PXYLP1: variants seen among roughly 807,000 people sequenced by gnomAD.
PXYLP1 encodes the protein acid phosphatase-like 2.
A neutral mutation model predicts 37.9 loss-of-function variants in PXYLP1; 17 were observed. The ratio of observed to expected loss-of-function variants is 0.45; its 90% CI spans 0.31 to 0.67. The LOEUF (loss-of-function observed/expected upper bound fraction) is 0.67. Among genes scored for constraint, PXYLP1 ranks in the 30% least tolerant of loss-of-function variants. The pLI is 0.07. For missense variants in PXYLP1, 511 were observed against 612.0 expected (o/e 0.84, Z 1.74); for synonymous variants, 221 against 232.2 (o/e 0.95, Z 0.44).
chr3:141,242,871 A>C (rs1051400461), intron 1 of PXYLP1, among the ~76,000 whole-genome samples: 2 of 152,252 alleles, frequency 1.3e-5, no homozygotes, highest in Non-Finnish European at 2.9e-5. Flanking sequence ...CCATGAGGGC[A>C]GGAATTTGGG....
intron 4 of PXYLP1, among the ~76,000 whole-genome samples, chr3:141,280,599 A>G (rs1344486728): frequency 6.6e-6 from 1 of 152,256 alleles, no homozygotes; most frequent in Non-Finnish European, 1.5e-5. Context: ...CTTTAAAAAC[A>G]GTAATAGTTG....
intron 1 of PXYLP1, among the ~76,000 whole-genome samples, chr3:141,243,853 A>G (rs1363534244): frequency 1.3e-5 from 2 of 152,260 alleles, no homozygotes; most frequent in Non-Finnish European, 2.9e-5. Context: ...ACTGGTCTCT[A>G]TAATTTATCA....
intron 5 of PXYLP1, among the ~76,000 whole-genome samples, chr3:141,289,045 T>C (rs1942140678): frequency 6.6e-6 from 1 of 152,204 alleles, no homozygotes; most frequent in Non-Finnish European, 1.5e-5. Flanking sequence ...ACAGCTACAC[T>C]AGAAAATAGA....
At chr3:141,234,548 C>T (rs552445580) in intron 1 of PXYLP1, among the ~76,000 whole-genome samples, 1 of 152,300 alleles carries the variant, frequency 6.6e-6, no homozygotes, top group East Asian at 1.9e-4. Flanking sequence ...CTTCCTGTGG[C>T]GAGCTGGGAG....
chr3:141,242,569 G>A (rs1940835110), intron 1 of PXYLP1, among the ~76,000 whole-genome samples: 1 of 152,202 alleles, frequency 6.6e-6, no homozygotes, highest in Non-Finnish European at 1.5e-5. Flanking sequence ...AGGTGGACTG[G>A]AGACAGTGCT....
rs188060628 is a variant in PXYLP1 at position 141,252,459 on chromosome 3, G to A, written c.-53-7664G>A. Reference sequence around the variant, plus strand: ...GGTGGAAGGCAAAGGGGGAGCCAGCGTATCACACGGTGAGAGCGGGAGCAA... The same window carrying A: ...GGTGGAAGGCAAAGGGGGAGCCAGCATATCACACGGTGAGAGCGGGAGCAA... On this transcript the variant is annotated intron_variant, in intron 1 of 5. Coordinates refer to ENST00000286353, the MANE Select transcript of PXYLP1 (RefSeq NM_001037172.3). Among the ~76,000 whole-genome samples the A allele has an allele frequency of 1.2e-3, 183 of 152,234 alleles. 1 individual carries two copies. Among genetic ancestry groups the A allele is most frequent in the South Asian group, 2.1e-3 (10 of 4,824 alleles).
chr3:141,246,133 G>T (rs896838204), intron 1 of PXYLP1, among the ~76,000 whole-genome samples: 2 of 152,188 alleles, frequency 1.3e-5, no homozygotes, highest in South Asian at 4.1e-4. Context: ...TTGGTGGGGG[G>T]TAGGCTAGCA....
chr3:141,281,780 C>T (rs1163352664), intron 4 of PXYLP1, among the ~76,000 whole-genome samples: 2 of 152,116 alleles, frequency 1.3e-5, no homozygotes, highest in Non-Finnish European at 2.9e-5. Context: ...CCAACCCATG[C>T]AGTGTGAGGT....
At chr3:141,249,540 G>A (rs1008712856) in intron 1 of PXYLP1, among the ~76,000 whole-genome samples, 1 of 123,082 alleles carries the variant, frequency 8.1e-6, no homozygotes, top group African/African-American at 3.2e-5. Flanking sequence ...TATGCCACTT[G>A]TACTTCCAGT....
intron 2 of PXYLP1, among the ~76,000 whole-genome samples, chr3:141,266,124 A>G (rs528001356): frequency 3.9e-4 from 59 of 152,374 alleles, no homozygotes; most frequent in African/African-American, 1.3e-3. Context: ...CCGGAGGACC[A>G]GGGCTCCTTG....
At chr3:141,288,583 A>T (rs1942128783) in intron 5 of PXYLP1, among the ~76,000 whole-genome samples, 1 of 152,160 alleles carries the variant, frequency 6.6e-6, no homozygotes, top group South Asian at 2.1e-4. Flanking sequence ...CTCAACTATC[A>T]TGAAGTGAAA....
chr3:141,262,318 C>A lies in PXYLP1; in HGVS notation c.79+2064C>A, dbSNP rs74672878. The A allele has an allele frequency of 1.9e-3, 1,961 of 1,007,256 alleles. 33 individuals carry two copies. In the African/African-American group the frequency reaches 0.031, roughly 16 times the overall value. The allele number at this position is 1,007,256 out of a possible 1,614,324, so 62.4% of individuals were successfully genotyped here. On this transcript the variant is annotated intron_variant, in intron 2 of 5. Coordinates refer to ENST00000286353, the MANE Select transcript of PXYLP1 (RefSeq NM_001037172.3). ...CCAGATGGCAAATGAATTGTAAAAT[C>A]TGAATCCTTTCCAAAAAGTGTGGTA...
At chr3:141,273,219 C>G (rs1412830426) in intron 2 of PXYLP1, 3 of 985,224 alleles carry the variant, frequency 3.0e-6, no homozygotes, top group Non-Finnish European at 3.6e-6. Flanking sequence ...TCTGAAGAAT[C>G]CCCAGCATGT....
At chr3:141,236,507 C>T (rs1940661327) in intron 1 of PXYLP1, 1 of 152,170 alleles carries the variant, frequency 6.6e-6, no homozygotes, top group Admixed American at 6.5e-5. Flanking sequence ...ATTTGTCCCA[C>T]CCCTCAGTTA....
intron 2 of PXYLP1, chr3:141,262,123 G>A (rs1048033193): frequency 2.2e-5 from 6 of 278,164 alleles, no homozygotes; most frequent in African/African-American, 9.2e-5. Flanking sequence ...TTTCAAGAGA[G>A]GAGACTTTGA....
chr3:141,236,402 G>A (rs1940658478), intron 1 of PXYLP1: 1 of 152,060 alleles, frequency 6.6e-6, no homozygotes, highest in African/African-American at 2.4e-5. Flanking sequence ...ATTGCACCTG[G>A]TTTTGATGCC....
chr3:141,262,427 C>T lies in PXYLP1; in HGVS notation c.79+2173C>T, dbSNP rs1046610137. 1.2e-5 allele frequency: 10 copies of T among 820,514 alleles called. No homozygotes were observed. In the African/African-American group the frequency reaches 1.8e-4, roughly 15 times the overall value. The allele number at this position is 820,514 out of a possible 1,614,324, so 50.8% of individuals were successfully genotyped here. The stretch of plus-strand genomic sequence containing the variant: ...TGGAGAGGTAGGATGTTACAGTCAA[C>T]CCTGATTTTATTTTGAGAGGCTGAC... On this transcript the variant is annotated intron_variant, in intron 2 of 5. Transcript: ENST00000286353.
chr3:141,276,181 A>G (rs1462858444), intron 2 of PXYLP1, among the ~76,000 whole-genome samples: 1 of 152,214 alleles, frequency 6.6e-6, no homozygotes, highest in Non-Finnish European at 1.5e-5. Flanking sequence ...CACTATGACA[A>G]AATTGCCTAA....
At position 141,273,554 on chromosome 3, in the gene PXYLP1, T is replaced by G. The variant is rs1021006513; in HGVS notation, c.80-4788T>G. The G allele has an allele frequency of 3.0e-6, 3 of 985,358 alleles. No homozygotes were observed. The African/African-American group carries it at 5.2e-5, about 17-fold the overall frequency. The allele number at this position is 985,358 out of a possible 1,614,324, so 61.0% of individuals were successfully genotyped here. A position where few individuals can be genotyped will look rare whatever the true frequency, so the allele number is the denominator to read the frequency against. On this transcript the variant is annotated intron_variant, in intron 2 of 5. Coordinates refer to ENST00000286353, the MANE Select transcript of PXYLP1 (RefSeq NM_001037172.3). ...GAGCCTGCGTGGGATAGCATCTGGT[T>G]GTTTTACTCATGATTCTAAGAAATT...
Sources: allele counts gnomAD v4.1 joint callset (sites outside exome capture counted in the v4.1 genomes callset), GRCh38; gene constraint gnomAD v4.1.1; transcripts MANE v1.5; gene names NCBI Gene and HGNC (gene_info 2026-07-23, HGNC 2026-07-21).